Variants in LTN1 observed in about 807,000 individuals in gnomAD.
LTN1 encodes the protein E3 ubiquitin-protein ligase listerin.
LTN1 carries 88 observed loss-of-function variants against 201.2 expected under a neutral mutation model. The ratio of observed to expected loss-of-function variants is 0.44; its 90% CI spans 0.37 to 0.52. LTN1 has a LOEUF of 0.52. Ranked by LOEUF, LTN1 falls within the 20% of genes least tolerant of loss-of-function variation. LTN1 has a pLI of 0.00. For missense variants in LTN1, 1,752 were observed against 2,038.7 expected, an observed-to-expected ratio of 0.86 and a Z score of 2.71; for synonymous variants, 645 against 713.5, an observed-to-expected ratio of 0.90 and a Z score of 1.53.
intron 1 of LTN1, among the ~76,000 whole-genome samples, chr21:28,991,591 A>G (rs1265431652): frequency 1.3e-5 from 2 of 152,258 alleles, no homozygotes; most frequent in African/African-American, 2.4e-5. Context: ...GGTAAAGAGT[A>G]TATGGGATGT....
intron 6 of LTN1, among the ~76,000 whole-genome samples, 154 bp from the exon 7 acceptor site, chr21:28,971,598 G>T (rs547059905): frequency 1.3e-5 from 2 of 152,250 alleles, no homozygotes; most frequent in Admixed American, 1.3e-4. Context: ...AGTATGAAAT[G>T]GCTGAAAAGG....
chr21:28,966,335 T>C (rs777198710), intron 10 of LTN1, 35 bp downstream of exon 10: 2 of 1,506,668 alleles, frequency 1.3e-6, no homozygotes, highest in Non-Finnish European at 1.8e-6. Flanking sequence ...TCATCTATTA[T>C]TCAAATAGTT....
chr21:28,946,798 T>C lies in LTN1; in HGVS notation c.3488-511A>G, dbSNP rs369220109. 1.2e-3 allele frequency among the ~76,000 whole-genome samples: 177 copies of C among 152,366 alleles called. 6 individuals are homozygous for C. In the South Asian group the frequency reaches 0.02, roughly 17 times the overall value. Reference sequence around the variant, plus strand: ...TCCACTGGTGTATCTTAACACCCTCTGTCCCCAACCTTCTATCTTACATAC... The same window carrying C: ...TCCACTGGTGTATCTTAACACCCTCCGTCCCCAACCTTCTATCTTACATAC... On this transcript the variant is annotated intron_variant, in intron 19 of 29. Transcript: ENST00000361371.
At chr21:28,947,983 G>A (rs540339702) in intron 18 of LTN1, among the ~76,000 whole-genome samples, 1 of 151,434 alleles carries the variant, frequency 6.6e-6, no homozygotes, top group African/African-American at 2.4e-5. Flanking sequence ...ATGAGGTCAG[G>A]CGTTTGAGAC....
At position 28,930,418 on chromosome 21, in the gene LTN1, C is replaced by T. The variant is rs1473176404; in HGVS notation, c.*30G>A. 6 of 1,567,892 alleles carry T rather than the reference C, an allele frequency of 3.8e-6. No homozygotes were observed. The highest frequency in any genetic ancestry group is 5.3e-6 in the Non-Finnish European group (6 of 1,140,012). ...AAATCCAATGCCTTTGTTTGATGTA[C>T]TTCAGGGATCCCTTCCAGTGAAAAA... is the stretch of plus-strand genomic sequence containing the variant. On this transcript the variant is annotated 3_prime_UTR_variant, in exon 30 of 30. Coordinates refer to ENST00000361371, the MANE Select transcript of LTN1 (RefSeq NM_015565.3).
At chr21:28,955,270 T>C (rs1417741330) in intron 16 of LTN1, among the ~76,000 whole-genome samples, 5 of 151,510 alleles carry the variant, frequency 3.3e-5, no homozygotes, top group Admixed American at 6.6e-5. Flanking sequence ...GATAAAGACC[T>C]GTCTGGGCAA....
intron 18 of LTN1, among the ~76,000 whole-genome samples, chr21:28,949,462 T>C (rs1041066425): frequency 3.3e-5 from 5 of 152,210 alleles, no homozygotes; most frequent in Non-Finnish European, 5.9e-5. Flanking sequence ...GAACTCTTCA[T>C]TCTGCAAAAC....
chr21:28,947,688 G>A, intron 18 of LTN1, 82 bp from the exon 19 acceptor site: 1 of 756,358 alleles, frequency 1.3e-6, no homozygotes, highest in Non-Finnish European at 2.0e-6. Context: ...TTAGACTACT[G>A]AAAAAGATAG....
chr21:28,932,599 T>G lies in LTN1; in HGVS notation c.4941A>C (p.Glu1647Asp). Residue 1647 changes from glutamate (E) to aspartate (D), a missense_variant, in exon 28 of 30, where the codon GAA becomes GAC. Glu to Asp is a conservative substitution (Grantham distance 45, BLOSUM62 2). Transcript: ENST00000361371. Reference sequence around the variant, plus strand: ...AATTTGAAGGCAGTTGTATTATAAGTTCAATAACTATGTCCTCAATAGTAT... The same window carrying G: ...AATTTGAAGGCAGTTGTATTATAAGGTCAATAACTATGTCCTCAATAGTAT... ...ATYTIEDIVIELIIQLPSNYP... is the reference protein window; with the variant it reads ...ATYTIEDIVIDLIIQLPSNYP... The G allele has an allele frequency of 1.2e-6, 2 of 1,613,822 alleles. No homozygotes were observed. Among genetic ancestry groups the G allele is most frequent in the Non-Finnish European group, 1.7e-6 (2 of 1,179,728 alleles).
intron 5 of LTN1, among the ~76,000 whole-genome samples, chr21:28,981,584 T>G (rs1448080522): frequency 1.3e-5 from 2 of 152,204 alleles, no homozygotes; most frequent in Non-Finnish European, 2.9e-5. Flanking sequence ...TCCCAGGGAA[T>G]GGATATCAAG....
chr21:28,966,949 A>T lies in LTN1; in HGVS notation c.1542T>A (p.Gly514=). ...EPEADVESVL[G]VSNLLQVLQK... ...GAAGCACCTGTAATAGGTTAGATAC[A>T]CCCAAAACGGACTCAACATCAGCTT... The change falls in exon 10 of 30, where the codon GGT becomes GGA. Residue 514 remains glycine, a synonymous_variant. Transcript: ENST00000361371. The T allele has an allele frequency of 6.2e-7, 1 of 1,613,822 alleles. No homozygotes were observed. The highest frequency in any genetic ancestry group is 8.5e-7 in the Non-Finnish European group (1 of 1,179,978).
intron 1 of LTN1, among the ~76,000 whole-genome samples, chr21:28,988,159 AC>A (rs60871457): frequency 0.11 from 15,318 of 134,478 alleles, 1,211 homozygotes; most frequent in East Asian, 0.41. Flanking sequence ...AAAAAAAACA[AC>A]AAAAAAAAAC....
intron 11 of LTN1, among the ~76,000 whole-genome samples, chr21:28,962,613 A>G (rs1417745634): frequency 1.3e-5 from 2 of 152,196 alleles, no homozygotes; most frequent in African/African-American, 4.8e-5. Flanking sequence ...TCCCTTAGAC[A>G]CAACAATGCT....
At position 28,929,147 on chromosome 21, in the gene LTN1, C is replaced by T. The variant is rs1009866625; in HGVS notation, c.*1301G>A. The T allele has an allele frequency of 2.0e-5, 3 of 152,572 alleles. No individual in the cohort carries two copies. In the East Asian group the frequency reaches 5.8e-4, roughly 29 times the overall value. 9.5% of individuals were successfully genotyped at this position (152,572 alleles called of 1,614,324 possible). On this transcript the variant is annotated 3_prime_UTR_variant, in exon 30 of 30. Coordinates refer to ENST00000361371, the MANE Select transcript of LTN1 (RefSeq NM_015565.3). ...GTACTTCACTCTCAACTATAATCCT[C>T]TGACCACATTCATACTATTTCAATA...
chr21:28,969,815 T>C (rs573373397), intron 8 of LTN1, among the ~76,000 whole-genome samples: 2 of 152,264 alleles, frequency 1.3e-5, no homozygotes, highest in South Asian at 4.1e-4. Context: ...AATGTATCAG[T>C]AAAAAATAAA....
At chr21:28,944,316 G>C in intron 22 of LTN1, 67 bp downstream of exon 22, 1 of 1,214,664 alleles carries the variant, frequency 8.2e-7, no homozygotes, top group Non-Finnish European at 1.2e-6. Context: ...CAAAATTTTT[G>C]CTTTTGAATT....
intron 14 of LTN1, among the ~76,000 whole-genome samples, chr21:28,958,004 T>A (rs1279458254): frequency 1.3e-5 from 2 of 152,210 alleles, no homozygotes; most frequent in African/African-American, 4.8e-5. Context: ...TTACTGTCTA[T>A]AAGTTATGAG....
intron 13 of LTN1, 51 bp downstream of exon 13, chr21:28,959,407 A>C (rs371559030): frequency 1.3e-6 from 2 of 1,576,040 alleles, no homozygotes; most frequent in East Asian, 2.2e-5. Context: ...ACTCACTATG[A>C]AGGTCAGAGC....
chr21:28,992,829 G>C lies in LTN1; in HGVS notation c.-24C>G, dbSNP rs367721639. 2.5e-6 allele frequency: 4 copies of C among 1,614,214 alleles called. No individual in the cohort carries two copies. In the African/African-American group the frequency reaches 4.0e-5, roughly 16 times the overall value. Reference sequence around the variant, plus strand: ...ATGGTCGCGGTTGCAGCTGTACTCTGAGCACTCAGACCCCGGTTGACACGT... The same window carrying C: ...ATGGTCGCGGTTGCAGCTGTACTCTCAGCACTCAGACCCCGGTTGACACGT... On this transcript the variant is annotated 5_prime_UTR_variant, in exon 1 of 30. Transcript: ENST00000361371.
Sources: allele counts gnomAD v4.1 joint callset (sites outside exome capture counted in the v4.1 genomes callset), GRCh38; gene constraint gnomAD v4.1.1; transcripts MANE v1.5; gene names NCBI Gene and HGNC (gene_info 2026-07-23, HGNC 2026-07-21).